Variants in CRTC3 observed in about 807,000 individuals in gnomAD.
CRTC3 encodes the protein CREB regulated transcription coactivator 3.
In CRTC3, 26 loss-of-function variants were observed where a neutral mutation model predicts 74.5. The ratio of observed to expected loss-of-function variants is 0.35; its 90% confidence interval spans 0.26 to 0.48. The LOEUF is 0.48. Among genes scored for constraint, CRTC3 ranks in the 20% least tolerant of loss-of-function variants. The pLI, the probability that CRTC3 is intolerant of heterozygous loss-of-function variation, is 0.99. For synonymous variants in CRTC3, 377 were observed against 325.8 expected, an observed-to-expected ratio of 1.16 and a Z score of -1.69; for missense variants, 760 against 787.3, an observed-to-expected ratio of 0.97 and a Z score of 0.41.
At chr15:90,597,748 T>G (rs987072940) in intron 3 of CRTC3, 1 of 152,218 alleles carries the variant, frequency 6.6e-6, no homozygotes, top group African/African-American at 2.4e-5. Flanking sequence ...AAGGAAACAT[T>G]GGTCTTTAGA....
At chr15:90,573,770 T>C (rs1161041274) in intron 2 of CRTC3, among the ~76,000 whole-genome samples, 2 of 152,246 alleles carry the variant, frequency 1.3e-5, no homozygotes, top group African/African-American at 4.8e-5. Context: ...CATACATTCA[T>C]GTGGTCTAAG....
chr15:90,554,129 A>C (rs1314394814), intron 2 of CRTC3, among the ~76,000 whole-genome samples: 1 of 152,100 alleles, frequency 6.6e-6, no homozygotes, highest in Non-Finnish European at 1.5e-5. Flanking sequence ...TTTTGTGGAG[A>C]AGAATAAATG....
At chr15:90,627,995 A>G (rs1343124609) in intron 10 of CRTC3, among the ~76,000 whole-genome samples, 3 of 149,842 alleles carry the variant, frequency 2.0e-5, no homozygotes, top group Non-Finnish European at 4.4e-5. Context: ...AGGCGAGTGG[A>G]TCACGAGGTC....
At chr15:90,635,611 C>T (rs908252589) in intron 11 of CRTC3, among the ~76,000 whole-genome samples, 3 of 152,118 alleles carry the variant, frequency 2.0e-5, no homozygotes, top group African/African-American at 7.2e-5. Context: ...TGCCACTGCA[C>T]TCCAGCTTGG....
intron 10 of CRTC3, among the ~76,000 whole-genome samples, chr15:90,627,179 C>G (rs545387539): frequency 1.2e-4 from 19 of 152,328 alleles, no homozygotes; most frequent in African/African-American, 2.9e-4. Flanking sequence ...AGTGATGCTG[C>G]CTGGTGCAAC....
At chr15:90,533,267 G>A (rs1287144779) in intron 1 of CRTC3, among the ~76,000 whole-genome samples, 1 of 151,736 alleles carries the variant, frequency 6.6e-6, no homozygotes, top group Non-Finnish European at 1.5e-5. Flanking sequence ...AGCCGGGCAT[G>A]GTGGCGGGCG....
intron 2 of CRTC3, among the ~76,000 whole-genome samples, chr15:90,576,219 C>T (rs1340094347): frequency 6.6e-6 from 1 of 152,002 alleles, no homozygotes; most frequent in Non-Finnish European, 1.5e-5. Flanking sequence ...GCCTAGGCAA[C>T]ACAATGAGAC....
intron 5 of CRTC3, 54 bp from the exon 6 acceptor site, chr15:90,607,324 C>T: frequency 9.8e-7 from 1 of 1,020,458 alleles, no homozygotes; most frequent in Non-Finnish European, 1.5e-6. Context: ...AAGACTATTG[C>T]ATTTTCACTA....
Position 90,545,785 on chromosome 15 carries a change from A to G in CRTC3, c.231+5648A>G, listed in dbSNP as rs193253995. 5.5e-3 allele frequency among the ~76,000 whole-genome samples: 843 copies of G among 152,062 alleles called. 10 individuals carry two copies. The highest frequency in any genetic ancestry group is 0.018 in the African/African-American group (739 of 41,492). ...AGTAGAGACGGGGTTTCACTGTGTT[A>G]GCCAGGATGGTCTCCATCTCCTGAC... On this transcript the variant is annotated intron_variant, in intron 2 of 14. Coordinates refer to ENST00000268184, the MANE Select transcript of CRTC3 (RefSeq NM_022769.5).
chr15:90,574,304 C>T (rs1967348064), intron 2 of CRTC3, among the ~76,000 whole-genome samples: 1 of 152,102 alleles, frequency 6.6e-6, no homozygotes, highest in African/African-American at 2.4e-5. Flanking sequence ...TGGTGAAACC[C>T]TGTCTCTACT....
chr15:90,539,457 G>T lies in CRTC3; in HGVS notation c.133-582G>T, dbSNP rs1457991633. Among the ~76,000 whole-genome samples the T allele has an allele frequency of 2.0e-5, 3 of 152,066 alleles. No homozygotes were observed. In the South Asian group the frequency reaches 6.2e-4, roughly 31 times the overall value. ...TTGGGAAAGCATTTCGGCAGTATAC[G>T]TTGAGAGCCACCAAAAGGCCCATAT... On this transcript the variant is annotated intron_variant, in intron 1 of 14. Transcript: ENST00000268184.
At chr15:90,565,695 T>TA (rs1401102995) in intron 2 of CRTC3, among the ~76,000 whole-genome samples, 7 of 152,220 alleles carry the variant, frequency 4.6e-5, no homozygotes, top group African/African-American at 1.4e-4. Context: ...TTATATCTGT[T>TA]ATGGTGATCT....
At chr15:90,555,154 C>T (rs1444244921) in intron 2 of CRTC3, among the ~76,000 whole-genome samples, 2 of 152,078 alleles carry the variant, frequency 1.3e-5, no homozygotes, top group Non-Finnish European at 2.9e-5. Context: ...GCAGAATGTA[C>T]CACTCGTGCT....
chr15:90,597,357 C>T (rs578106341), intron 3 of CRTC3, among the ~76,000 whole-genome samples: 8 of 142,986 alleles, frequency 5.6e-5, no homozygotes, highest in South Asian at 2.2e-4. Flanking sequence ...GTGGATGACA[C>T]GCTCAGAAGG....
chr15:90,533,273 G>A (rs1350689465), intron 1 of CRTC3, among the ~76,000 whole-genome samples: 3 of 151,530 alleles, frequency 2.0e-5, no homozygotes, highest in Non-Finnish European at 4.4e-5. Context: ...GCATGGTGGC[G>A]GGCGCCTGTA....
chr15:90,572,931 A>G (rs4352026), intron 2 of CRTC3, among the ~76,000 whole-genome samples: 1 of 151,542 alleles, frequency 6.6e-6, no homozygotes, highest in East Asian at 1.9e-4. Context: ...TTAAAACTTA[A>G]CATCTTGATT....
chr15:90,638,168 TC>T (rs1259215369), intron 11 of CRTC3: 2 of 359,460 alleles, frequency 5.6e-6, no homozygotes, highest in Admixed American at 4.5e-5. Flanking sequence ...AACATGATTT[TC>T]ACGGAGAAAA....
At chr15:90,619,945 A>G (rs879702597) in intron 9 of CRTC3, 155 bp downstream of exon 9, 6 of 638,400 alleles carry the variant, frequency 9.4e-6, no homozygotes, top group Non-Finnish European at 1.7e-5. Flanking sequence ...CTCTCTTTTG[A>G]TACTCATATT....
At chr15:90,612,854 T>TG (rs373137352) in intron 6 of CRTC3, among the ~76,000 whole-genome samples, 2,586 of 152,090 alleles carry the variant, frequency 0.017, 68 homozygotes, top group African/African-American at 0.059. Context: ...AAATGGCTGA[T>TG]AAGTAAGAAT....
Sources: allele counts gnomAD v4.1 joint callset (sites outside exome capture counted in the v4.1 genomes callset), GRCh38; gene constraint gnomAD v4.1.1; transcripts MANE v1.5; gene names NCBI Gene and HGNC (gene_info 2026-07-23, HGNC 2026-07-21).